Variants in NEK7 observed in about 807,000 individuals in gnomAD.
The protein encoded by NEK7 is NIMA related kinase 7, also known as serine/threonine-protein kinase Nek7.
Under a neutral mutation model 44.6 loss-of-function variants are expected in NEK7, and 18 were observed. The ratio of observed to expected loss-of-function variants is 0.40; its 90% CI spans 0.28 to 0.60. The LOEUF is 0.60. Among genes scored for constraint, NEK7 ranks in the 20% least tolerant of loss-of-function variants. The pLI is 0.38. For synonymous variants in NEK7, 130 were observed against 121.1 expected, an observed-to-expected ratio of 1.07 and a Z score of -0.48; for missense variants, 256 against 366.5, an observed-to-expected ratio of 0.70 and a Z score of 2.46.
At chr1:198,298,969 G>A (rs2103016732) in intron 9 of NEK7, among the ~76,000 whole-genome samples, 1 of 152,322 alleles carries the variant, frequency 6.6e-6, no homozygotes, top group Middle Eastern at 3.4e-3. Flanking sequence ...CGGATTCTCA[G>A]CCAAGGGGCA....
chr1:198,199,471 C>G (rs1448321344), intron 1 of NEK7, among the ~76,000 whole-genome samples: 6 of 152,150 alleles, frequency 3.9e-5, no homozygotes, highest in Admixed American at 3.3e-4. Flanking sequence ...TCTTTGTTTT[C>G]TAGTGCACAC....
chr1:198,285,396 C>T (rs1571604329), intron 7 of NEK7, among the ~76,000 whole-genome samples: 2 of 152,130 alleles, frequency 1.3e-5, no homozygotes, highest in East Asian at 3.9e-4. Flanking sequence ...ACAAAAAAGC[C>T]TCAATTGCTT....
chr1:198,317,880 T>TA (rs369980049), intron 9 of NEK7, among the ~76,000 whole-genome samples: 86 of 124,324 alleles, frequency 6.9e-4, no homozygotes, highest in South Asian at 8.4e-4. Flanking sequence ...TATATTTATT[T>TA]TTTTTTTTTT....
chr1:198,258,764 A>G (rs1010360487), intron 3 of NEK7, among the ~76,000 whole-genome samples: 4 of 152,216 alleles, frequency 2.6e-5, no homozygotes, highest in African/African-American at 9.6e-5. Context: ...AAATGAGTTT[A>G]AAAACCTGAA....
At chr1:198,220,587 G>A (rs1228055043) in intron 1 of NEK7, among the ~76,000 whole-genome samples, 1 of 151,910 alleles carries the variant, frequency 6.6e-6, no homozygotes, top group African/African-American at 2.4e-5. Flanking sequence ...GTCTGATATC[G>A]ACATGTCACT....
intron 2 of NEK7, among the ~76,000 whole-genome samples, chr1:198,245,802 A>T (rs1234243189): frequency 6.6e-6 from 1 of 152,126 alleles, no homozygotes. Context: ...GAAAAAAAAA[A>T]CCTGGGTCAT....
At chr1:198,295,327 G>A (rs1654681923) in intron 8 of NEK7, among the ~76,000 whole-genome samples, 1 of 152,048 alleles carries the variant, frequency 6.6e-6, no homozygotes. Flanking sequence ...GTGGGCTTTC[G>A]TCCCTCCGAC....
At chr1:198,162,916 T>G (rs1310923288) in intron 1 of NEK7, among the ~76,000 whole-genome samples, 1 of 152,146 alleles carries the variant, frequency 6.6e-6, no homozygotes, top group East Asian at 1.9e-4. Context: ...TGCAAAAAGA[T>G]CTTTAAATAC....
chr1:198,227,841 T>C (rs1414034757), intron 1 of NEK7, among the ~76,000 whole-genome samples: 1 of 152,198 alleles, frequency 6.6e-6, no homozygotes, highest in African/African-American at 2.4e-5. Context: ...TGATGGTAGT[T>C]TCTTTTGCTG....
intron 9 of NEK7, among the ~76,000 whole-genome samples, chr1:198,317,889 T>TTTA (rs1553258447): frequency 1.1e-4 from 16 of 146,316 alleles, no homozygotes; most frequent in Non-Finnish European, 2.4e-4. Flanking sequence ...TTTTTTTTTT[T>TTTA]TTTTTTTTTT....
intron 9 of NEK7, among the ~76,000 whole-genome samples, chr1:198,315,208 T>G (rs1296655652): frequency 1.3e-5 from 2 of 152,134 alleles, no homozygotes; most frequent in African/African-American, 2.4e-5. Context: ...CCAGGTGCCG[T>G]CTGTCACCCC....
At chr1:198,163,779 G>C (rs1252415703) in intron 1 of NEK7, among the ~76,000 whole-genome samples, 3 of 152,148 alleles carry the variant, frequency 2.0e-5, no homozygotes, top group African/African-American at 4.8e-5. Flanking sequence ...AATATGTTTA[G>C]AGTAGTCTGG....
At chr1:198,313,803 G>C (rs1280254754) in intron 9 of NEK7, among the ~76,000 whole-genome samples, 4 of 151,398 alleles carry the variant, frequency 2.6e-5, no homozygotes, top group Non-Finnish European at 5.9e-5. Context: ...TCTGCCTAGA[G>C]ATCCGCTGTT....
At chr1:198,200,743 G>A (rs1461107205) in intron 1 of NEK7, among the ~76,000 whole-genome samples, 1 of 151,948 alleles carries the variant, frequency 6.6e-6, no homozygotes, top group Non-Finnish European at 1.5e-5. Flanking sequence ...TAGAGATGGG[G>A]TTTCACCATA....
chr1:198,302,631 A>G (rs1361480217), intron 9 of NEK7, among the ~76,000 whole-genome samples: 4 of 152,212 alleles, frequency 2.6e-5, no homozygotes, highest in African/African-American at 9.7e-5. Context: ...TAATTGAACT[A>G]AACTGATTTC....
intron 1 of NEK7, among the ~76,000 whole-genome samples, chr1:198,231,079 C>G (rs1008723648): frequency 3.3e-5 from 5 of 151,242 alleles, no homozygotes; most frequent in Admixed American, 2.6e-4. Context: ...GTATTAAAAT[C>G]AGACACGTAA....
At chr1:198,185,117 A>C (rs1416371988) in intron 1 of NEK7, among the ~76,000 whole-genome samples, 1 of 151,460 alleles carries the variant, frequency 6.6e-6, no homozygotes, top group Non-Finnish European at 1.5e-5. Context: ...GAATATAGAC[A>C]CTGGACACAT....
intron 1 of NEK7, among the ~76,000 whole-genome samples, chr1:198,171,896 T>C (rs1039870681): frequency 1.4e-4 from 22 of 152,156 alleles, no homozygotes; most frequent in Non-Finnish European, 8.8e-5. Context: ...CCCTGACAGC[T>C]TGCTTGGATA....
At chr1:198,266,073 C>G (rs1385790756) in intron 5 of NEK7, among the ~76,000 whole-genome samples, 1 of 152,038 alleles carries the variant, frequency 6.6e-6, no homozygotes. Flanking sequence ...TCTTTATACC[C>G]ATTTAAATAT....
Sources: gnomAD v4.1 joint callset for allele counts (sites outside exome capture counted in the v4.1 genomes callset) on GRCh38, gnomAD v4.1.1 for gene constraint, MANE v1.5 for transcripts, NCBI Gene and HGNC (gene_info 2026-07-23, HGNC 2026-07-21) for gene names.